The following NXPE2 variants were observed in gnomAD, a reference collection of about 807,000 sequenced individuals.
The protein encoded by NXPE2 is NXPE family member 2.
In NXPE2, 34 loss-of-function variants were observed where a neutral mutation model predicts 34.4. The ratio of observed to expected loss-of-function variants is 0.99; its 90% CI spans 0.75 to 1.31. The LOEUF is 1.31. NXPE2 is among the 40% of genes most tolerant of loss of function. NXPE2 has a pLI of 0.00. For missense variants in NXPE2, 649 were observed against 672.5 expected (o/e 0.97, Z 0.39); for synonymous variants, 235 against 231.3 (o/e 1.02, Z -0.15).
At chr11:114,663,657 A>AG in the NXPE2 span, among the ~76,000 whole-genome samples, 4 of 144,572 alleles carry the variant, frequency 2.8e-5, no homozygotes, top group African/African-American at 1.0e-4. Context: ...TCTATCATCT[A>AG]TTTATCTATC....
At chr11:114,802,633 A>G in the NXPE2 span, among the ~76,000 whole-genome samples, 1 of 151,860 alleles carries the variant, frequency 6.6e-6, no homozygotes, top group Non-Finnish European at 1.5e-5. Flanking sequence ...TTTAATAATT[A>G]TTTTTTTCTT....
At chr11:114,600,174 A>G in the NXPE2 span, among the ~76,000 whole-genome samples, 1 of 152,242 alleles carries the variant, frequency 6.6e-6, no homozygotes, top group Admixed American at 6.5e-5. Flanking sequence ...TATAATTTCA[A>G]AGTTAAAAAT....
At chr11:114,548,963 T>C in the NXPE2 span, among the ~76,000 whole-genome samples, 4 of 151,916 alleles carry the variant, frequency 2.6e-5, no homozygotes, top group African/African-American at 9.7e-5. Context: ...TTAGACATCT[T>C]TGAGGGAAAA....
the NXPE2 span, among the ~76,000 whole-genome samples, chr11:114,610,555 G>A: frequency 2.9e-5 from 3 of 103,542 alleles, no homozygotes; most frequent in Non-Finnish European, 4.8e-5. Flanking sequence ...GTTGCCTCGT[G>A]GTTAACCACT....
At chr11:114,713,313 AG>A in the NXPE2 span, among the ~76,000 whole-genome samples, 1 of 152,246 alleles carries the variant, frequency 6.6e-6, no homozygotes, top group Admixed American at 6.5e-5. Context: ...TTGTTACCAC[AG>A]TAGTAACTTT....
rs770380489 is a variant in NXPE2 at position 114,698,143 on chromosome 11, A to G, written c.231A>G (p.Pro77=). Reference sequence around the variant, plus strand: ...CACCACTGTGTCCAGCAGTTTCACCAAAAGAGACTGAACTTAGAATAAAGG... The same window carrying G: ...CACCACTGTGTCCAGCAGTTTCACCGAAAGAGACTGAACTTAGAATAAAGG... ...SETPLCPAVS[P]KETELRIKDI... is the part of the protein sequence containing the mutation. The change falls in exon 3 of 6, where the codon CCA becomes CCG. Residue 77 remains proline (P), a synonymous_variant. Coordinates refer to ENST00000389586, the MANE Select transcript of NXPE2 (RefSeq NM_182495.6). The G allele has an allele frequency of 6.3e-5, 101 of 1,614,052 alleles. No homozygotes were observed. Among genetic ancestry groups the G allele is most frequent in the Non-Finnish European group, 8.0e-5 (94 of 1,179,990 alleles).
chr11:114,739,926 T>C, the NXPE2 span, among the ~76,000 whole-genome samples: 1 of 152,196 alleles, frequency 6.6e-6, no homozygotes, highest in Non-Finnish European at 1.5e-5. Context: ...TCTTCTTTTG[T>C]TAAGGCTGAA....
the NXPE2 span, among the ~76,000 whole-genome samples, chr11:114,543,777 A>G: frequency 6.6e-6 from 1 of 152,110 alleles, no homozygotes; most frequent in African/African-American, 2.4e-5. Context: ...ACATATTGGA[A>G]AGGAAAAAGT....
chr11:114,619,682 T>A, the NXPE2 span, among the ~76,000 whole-genome samples: 5 of 152,100 alleles, frequency 3.3e-5, no homozygotes, highest in Non-Finnish European at 7.4e-5. Context: ...GTAACCACTG[T>A]TTCCCAGTGG....
chr11:114,810,939 A>C, the NXPE2 span, among the ~76,000 whole-genome samples: 1 of 152,288 alleles, frequency 6.6e-6, no homozygotes, highest in South Asian at 2.1e-4. Flanking sequence ...GAACTGACCT[A>C]AATGTCCAAC....
the NXPE2 span, chr11:114,553,621 CT>C: frequency 7.3e-6 from 5 of 686,854 alleles, no homozygotes; most frequent in Non-Finnish European, 9.0e-6. Flanking sequence ...CCATAAGTAA[CT>C]GCAAATCAGA....
At chr11:114,639,784 TAA>T in the NXPE2 span, among the ~76,000 whole-genome samples, 1 of 126,004 alleles carries the variant, frequency 7.9e-6, no homozygotes, top group African/African-American at 3.1e-5. Flanking sequence ...ATATAAAATA[TAA>T]TATATATTAT....
chr11:114,702,214 T>C (rs759850092), intron 3 of NXPE2, among the ~76,000 whole-genome samples: 3 of 152,246 alleles, frequency 2.0e-5, no homozygotes, highest in Non-Finnish European at 4.4e-5. Context: ...TATTATGGTC[T>C]AATTAATTAT....
At chr11:114,474,229 G>C in the NXPE2 span, among the ~76,000 whole-genome samples, 1 of 152,128 alleles carries the variant, frequency 6.6e-6, no homozygotes, top group African/African-American at 2.4e-5. Flanking sequence ...GGGTCCATCC[G>C]TATATGAATG....
chr11:114,618,568 A>C, the NXPE2 span, among the ~76,000 whole-genome samples: 1 of 152,052 alleles, frequency 6.6e-6, no homozygotes, highest in African/African-American at 2.4e-5. Flanking sequence ...AGTGGATAAT[A>C]AGTATTGCCT....
At chr11:114,748,980 A>G in the NXPE2 span, among the ~76,000 whole-genome samples, 5 of 152,212 alleles carry the variant, frequency 3.3e-5, no homozygotes, top group Non-Finnish European at 5.9e-5. Context: ...GCCTCTTCAG[A>G]TAGGCTTCTA....
chr11:114,703,868 A>C (rs913336429), intron 3 of NXPE2, 123 bp from the exon 4 acceptor site: 1 of 709,506 alleles, frequency 1.4e-6, no homozygotes, highest in Non-Finnish European at 2.4e-6. Context: ...AGGATATCTT[A>C]AATATATCAA....
At chr11:114,735,471 T>C in the NXPE2 span, among the ~76,000 whole-genome samples, 1 of 152,176 alleles carries the variant, frequency 6.6e-6, no homozygotes, top group Non-Finnish European at 1.5e-5. Flanking sequence ...TTAACCTCTC[T>C]GAGTATAGTT....
At chr11:114,650,566 G>A in the NXPE2 span, among the ~76,000 whole-genome samples, 1 of 151,566 alleles carries the variant, frequency 6.6e-6, no homozygotes, top group Non-Finnish European at 1.5e-5. Flanking sequence ...CCTTCCCCAG[G>A]AAGTGAGAAA....
Sources: gnomAD v4.1 joint callset for allele counts (sites outside exome capture counted in the v4.1 genomes callset) on GRCh38, gnomAD v4.1.1 for gene constraint, MANE v1.5 for transcripts, NCBI Gene and HGNC (gene_info 2026-07-23, HGNC 2026-07-21) for gene names.